NCAM2: variants seen among roughly 807,000 people sequenced by gnomAD.
NCAM2 encodes neural cell adhesion molecule 2, also known as N-CAM-2.
Under a neutral mutation model 98.1 loss-of-function variants are expected in NCAM2, and 30 were observed. The observed-to-expected ratio is 0.31, with a 90% confidence interval of 0.23 to 0.41. The LOEUF is 0.41. Ranked by LOEUF, NCAM2 falls within the 10% of genes least tolerant of loss-of-function variation. The pLI, the probability that NCAM2 is intolerant of heterozygous loss-of-function variation, is 1.00. For synonymous variants in NCAM2, 368 were observed against 342.4 expected (o/e 1.07, Z -0.83); for missense variants, 867 against 1,005.8 (o/e 0.86, Z 1.87).
chr21:21,367,783 A>G (rs530683451), intron 8 of NCAM2, among the ~76,000 whole-genome samples: 1 of 151,992 alleles, frequency 6.6e-6, no homozygotes, highest in South Asian at 2.1e-4. Flanking sequence ...CAGAAAAGCA[A>G]ACTGAGGTAC....
intron 1 of NCAM2, among the ~76,000 whole-genome samples, chr21:21,203,030 A>G (rs2069293729): frequency 6.6e-6 from 1 of 152,158 alleles, no homozygotes; most frequent in South Asian, 2.1e-4. Flanking sequence ...TCAGTTTTTA[A>G]CCTGGAGTCC....
In NCAM2 at chr21:21,095,193, A is replaced by T. The variant is rs997238661; in HGVS notation, c.55+96575A>T. Among the ~76,000 whole-genome samples the T allele has an allele frequency of 4.6e-5, 7 of 151,826 alleles. 1 individual carries two copies. The South Asian group carries it at 1.0e-3, about 22-fold the overall frequency. On this transcript the variant is annotated intron_variant, in intron 1 of 17. Coordinates refer to ENST00000400546, the MANE Select transcript of NCAM2 (RefSeq NM_004540.5). ...TTAAATAGTATAAATCAGCAAATTG[A>T]TTCCTTCAATGCATATGTGCTCCAG...
At chr21:21,013,781 CAA>C (rs58879508) in intron 1 of NCAM2, among the ~76,000 whole-genome samples, 8,342 of 140,124 alleles carry the variant, frequency 0.06, 231 homozygotes, top group Non-Finnish European at 0.063. Context: ...AACTGCATCT[CAA>C]AAAAAAAAAA....
chr21:21,010,218 C>T (rs1320219076), intron 1 of NCAM2, among the ~76,000 whole-genome samples: 13 of 151,958 alleles, frequency 8.6e-5, no homozygotes, highest in Admixed American at 7.9e-4. Context: ...TATTTCAAAG[C>T]CCCCTCATAC....
chr21:21,509,554 A>G (rs1453582151), intron 16 of NCAM2, among the ~76,000 whole-genome samples: 1 of 152,188 alleles, frequency 6.6e-6, no homozygotes, highest in Non-Finnish European at 1.5e-5. Flanking sequence ...ATAAAATACA[A>G]TATTACAGAT....
chr21:21,343,046 T>G (rs2075088422), intron 8 of NCAM2, among the ~76,000 whole-genome samples: 1 of 152,166 alleles, frequency 6.6e-6, no homozygotes, highest in Admixed American at 6.5e-5. Context: ...AAATTATATT[T>G]CCATTTAATC....
At chr21:21,298,624 TAGATAGATGATA>T (rs1411305850) in intron 5 of NCAM2, among the ~76,000 whole-genome samples, 3 of 148,708 alleles carry the variant, frequency 2.0e-5, no homozygotes, top group Non-Finnish European at 3.0e-5. Flanking sequence ...GATAGATAGA[TAGATAGATGATA>T]GATAGAGATA....
At chr21:21,276,745 TG>T (rs1296262076) in intron 1 of NCAM2, among the ~76,000 whole-genome samples, 13 of 152,038 alleles carry the variant, frequency 8.6e-5, no homozygotes, top group Non-Finnish European at 1.8e-4. Context: ...AGAGCAAATC[TG>T]GTCTTTGGGA....
At chr21:21,023,656 G>C (rs1234032104) in intron 1 of NCAM2, among the ~76,000 whole-genome samples, 1 of 152,000 alleles carries the variant, frequency 6.6e-6, no homozygotes. Context: ...CTTTTTAATA[G>C]TATTATTTTA....
intron 1 of NCAM2, among the ~76,000 whole-genome samples, chr21:21,228,331 C>A (rs1450853724): frequency 6.6e-6 from 1 of 151,294 alleles, no homozygotes; most frequent in Non-Finnish European, 1.5e-5. Flanking sequence ...TAAAGTTTTA[C>A]AATCATGATA....
chr21:21,530,319 TAAA>T (rs1440807014), intron 16 of NCAM2, among the ~76,000 whole-genome samples: 8 of 22,404 alleles, frequency 3.6e-4, no homozygotes, highest in African/African-American at 1.8e-3. Flanking sequence ...TATATATAAT[TAAA>T]TTAAATTAAA....
chr21:21,415,652 G>A (rs116097582), intron 10 of NCAM2, among the ~76,000 whole-genome samples: 1,727 of 152,178 alleles, frequency 0.011, 35 homozygotes, highest in African/African-American at 0.04. Flanking sequence ...TGATCTTCTG[G>A]ATAACATGCT....
chr21:21,174,065 G>A (rs1011651165), intron 1 of NCAM2, among the ~76,000 whole-genome samples: 3 of 152,024 alleles, frequency 2.0e-5, no homozygotes, highest in East Asian at 1.9e-4. Context: ...CTGTGATTAC[G>A]AGCGTGCGCC....
intron 1 of NCAM2, among the ~76,000 whole-genome samples, chr21:21,221,827 C>T (rs2070178979): frequency 6.6e-6 from 1 of 152,140 alleles, no homozygotes; most frequent in Non-Finnish European, 1.5e-5. Flanking sequence ...AACACATTCT[C>T]AGTGTAGGTG....
At chr21:21,325,814 T>C (rs1185309915) in intron 6 of NCAM2, among the ~76,000 whole-genome samples, 2 of 152,154 alleles carry the variant, frequency 1.3e-5, no homozygotes, top group African/African-American at 4.8e-5. Context: ...AAAAATAATA[T>C]GAGCAGGAAA....
intron 12 of NCAM2, among the ~76,000 whole-genome samples, chr21:21,443,846 C>G (rs1256030185): frequency 6.6e-6 from 1 of 152,120 alleles, no homozygotes; most frequent in African/African-American, 2.4e-5. Flanking sequence ...CTGGAAGTAA[C>G]TGGATTTCCC....
chr21:21,056,490 C>CTGTGTGTG (rs10685980), intron 1 of NCAM2, among the ~76,000 whole-genome samples: 6,982 of 138,280 alleles, frequency 0.05, 298 homozygotes, highest in African/African-American at 0.099. Context: ...AGAGATATGT[C>CTGTGTGTG]TGTGTGTGTG....
At chr21:21,367,750 G>T (rs1018323950) in intron 8 of NCAM2, among the ~76,000 whole-genome samples, 1 of 151,880 alleles carries the variant, frequency 6.6e-6, no homozygotes, top group Non-Finnish European at 1.5e-5. Context: ...TTTGAAATCT[G>T]TATTCTTATC....
intron 5 of NCAM2, among the ~76,000 whole-genome samples, chr21:21,319,018 G>T (rs528423678): frequency 4.6e-5 from 7 of 152,068 alleles, no homozygotes; most frequent in Admixed American, 2.6e-4. Flanking sequence ...CACTCCTGAG[G>T]CAGGAGTACT....
Sources: gnomAD v4.1 joint callset for allele counts (sites outside exome capture counted in the v4.1 genomes callset) on GRCh38, gnomAD v4.1.1 for gene constraint, MANE v1.5 for transcripts, NCBI Gene and HGNC (gene_info 2026-07-23, HGNC 2026-07-21) for gene names.